Variants in CD40 observed in about 807,000 individuals in gnomAD.
CD40 encodes tumor necrosis factor receptor superfamily member 5.
CD40 carries 19 observed loss-of-function variants against 38.5 expected under a neutral mutation model. The ratio of observed to expected loss-of-function variants is 0.49; its 90% CI spans 0.34 to 0.72. The LOEUF (loss-of-function observed/expected upper bound fraction) is 0.72, where lower values mean the gene tolerates loss of function less well. Ranked by LOEUF, CD40 falls within the 30% of genes least tolerant of loss-of-function variation. The pLI, the probability that CD40 is intolerant of heterozygous loss-of-function variation, is 0.01. For synonymous variants in CD40, 130 were observed against 128.7 expected (o/e 1.01, Z -0.07); for missense variants, 256 against 344.1 (o/e 0.74, Z 2.03).
chr20:46,123,098 T>C, intron 4 of CD40, 28 bp from the exon 5 acceptor site: 4 of 1,552,824 alleles, frequency 2.6e-6, no homozygotes, highest in Non-Finnish European at 3.6e-6. Flanking sequence ...CTGTGATGGT[T>C]AATGTCCCCC....
chr20:46,119,736 GA>G (rs781488381), intron 1 of CD40, among the ~76,000 whole-genome samples: 20 of 152,170 alleles, frequency 1.3e-4, no homozygotes, highest in Non-Finnish European at 1.5e-5. Context: ...TTGAGGCTCA[GA>G]AAGGGGGATT....
In CD40 at chr20:46,129,167, C is replaced by G. The variant is rs775762947; in HGVS notation, c.*127C>G. 1 of 998,890 alleles carries G rather than the reference C, an allele frequency of 1.0e-6. No homozygotes were observed. The highest frequency in any genetic ancestry group is 1.6e-5 in the African/African-American group (1 of 63,044). The allele number at this position is 998,890 out of a possible 1,614,324, so 61.9% of individuals were successfully genotyped here. On this transcript the variant is annotated 3_prime_UTR_variant, in exon 9 of 9. Coordinates refer to ENST00000372285, the MANE Select transcript of CD40 (RefSeq NM_001250.6). ...GACTGGGCATAGCTCCCCGCTTCTG[C>G]CTGCACCCCTGCAGTTTGAGACAGG...
At chr20:46,128,694 A>AC (rs1395652534) in intron 8 of CD40, 188 bp from the exon 9 acceptor site, 1 of 682,720 alleles carries the variant, frequency 1.5e-6, no homozygotes, top group Admixed American at 2.4e-5. Context: ...ACTGGCTCCC[A>AC]CTCTGGAAGC....
Position 46,128,186 on chromosome 20 carries a change from G to A in CD40, c.608G>A (p.Gly203Glu). The A allele has an allele frequency of 6.2e-7, 1 of 1,613,880 alleles. No individual in the cohort carries two copies. Among genetic ancestry groups the A allele is most frequent in the Non-Finnish European group, 8.5e-7 (1 of 1,179,962 alleles). Residue 203 changes from glycine to glutamate, a missense_variant, in exon 7 of 9, where the codon GGG becomes GAG. Transcript: ENST00000372285. Reference protein sequence around the residue: ...RALVVIPIIFGILFAILLVLV... With the variant: ...RALVVIPIIFEILFAILLVLV... ...CTGGTGGTGATCCCCATCATCTTCG[G>A]GATCCTGTTTGCCATCCTCTTGGTG... is the stretch of plus-strand genomic sequence containing the variant.
chr20:46,124,741 C>T (rs1342733013), intron 5 of CD40, among the ~76,000 whole-genome samples: 1 of 137,518 alleles, frequency 7.3e-6, no homozygotes, highest in Admixed American at 7.7e-5. Flanking sequence ...CTGGAGGCAC[C>T]ACTGGTATAG....
In CD40 at chr20:46,122,558, C is replaced by T; in HGVS notation, c.257-52C>T. 1 of 1,612,714 alleles carries T rather than the reference C, an allele frequency of 6.2e-7. No individual in the cohort carries two copies. Among genetic ancestry groups the T allele is most frequent in the Non-Finnish European group, 8.5e-7 (1 of 1,178,862 alleles). On this transcript the variant is annotated intron_variant, in intron 3 of 8. Transcript: ENST00000372285. The surrounding 1 kb of genome is among the most constrained non-coding windows in gnomAD (Gnocchi z 5.0). ...AGCAGGCAATGTGGGGAGTGAGGCTCAGAGCATGGCCCAGCAGGGGGTTCC... is the reference window on the plus strand; with the variant it reads ...AGCAGGCAATGTGGGGAGTGAGGCTTAGAGCATGGCCCAGCAGGGGGTTCC...
At position 46,129,236 on chromosome 20, in the gene CD40, C is replaced by T. The variant is rs1329643427; in HGVS notation, c.*196C>T. ...AGAAACAGTTCACCTTGAAGAACCT[C>T]TCACTTCACCCTGGAGCCCATCCAG... On this transcript the variant is annotated 3_prime_UTR_variant, in exon 9 of 9. Transcript: ENST00000372285. 1 of 638,128 alleles carries T rather than the reference C, an allele frequency of 1.6e-6. No homozygotes were observed. Among genetic ancestry groups the T allele is most frequent in the Non-Finnish European group, 2.8e-6 (1 of 352,904 alleles). The allele number at this position is 638,128 out of a possible 1,614,324, so 39.5% of individuals were successfully genotyped here. A position where few individuals can be genotyped will look rare whatever the true frequency, so the allele number is the denominator to read the frequency against.
Position 46,122,189 on chromosome 20 carries a change from A to G in CD40, c.131-44A>G. On this transcript the variant is annotated intron_variant, in intron 2 of 8. Coordinates refer to ENST00000372285, the MANE Select transcript of CD40 (RefSeq NM_001250.6). The surrounding 1 kb of genome is among the most constrained non-coding windows in gnomAD (Gnocchi z 5.0). ...TCATTGTGTGGTTAGTGTCTGACTC[A>G]TGGAGTTGGCCAGAGCCCTCCCTCA... is the stretch of plus-strand genomic sequence containing the variant. The G allele has an allele frequency of 6.2e-7, 1 of 1,613,092 alleles. No homozygotes were observed. The highest frequency in any genetic ancestry group is 8.5e-7 in the Non-Finnish European group (1 of 1,179,032).
intron 5 of CD40, among the ~76,000 whole-genome samples, chr20:46,124,957 C>T (rs967529592): frequency 6.6e-5 from 10 of 151,278 alleles, no homozygotes; most frequent in Non-Finnish European, 1.3e-4. Context: ...TTAGTAGAGA[C>T]GGCGTTTCAC....
In CD40 at chr20:46,118,392, G is replaced by A. The variant is rs770177808; in HGVS notation, c.49G>A (p.Ala17Thr). Residue 17 changes from alanine to threonine, a missense_variant and splice_region_variant, in exon 1 of 9, where the codon GCT becomes ACT. Transcript: ENST00000372285. Reference protein sequence around the residue: ...QCVLWGCLLTAVHPEPPTACR... With the variant: ...QCVLWGCLLTTVHPEPPTACR... ...CGTCCTCTGGGGCTGCTTGCTGACC[G>A]CTGTGAGTTGTTTTTGCCCCGACCA... 2 of 1,614,010 alleles carry A rather than the reference G, an allele frequency of 1.2e-6. No individual in the cohort carries two copies. The highest frequency in any genetic ancestry group is 1.1e-5 in the South Asian group (1 of 91,084).
chr20:46,119,011 C>CA (rs2085266733), intron 1 of CD40, among the ~76,000 whole-genome samples: 3 of 222 alleles, frequency 0.014, no homozygotes, highest in Non-Finnish European at 0.032. Flanking sequence ...TAGGAGACCC[C>CA]TGGGGAGATG....
intron 5 of CD40, 56 bp from the exon 6 acceptor site, chr20:46,126,584 C>T (rs1010948174): frequency 8.3e-5 from 133 of 1,610,316 alleles, no homozygotes; most frequent in East Asian, 1.6e-4. Context: ...CTTGGGGAAA[C>T]TTAATATCTC....
chr20:46,126,610 G>T, intron 5 of CD40, 30 bp from the exon 6 acceptor site: 3 of 1,613,866 alleles, frequency 1.9e-6, no homozygotes, highest in Non-Finnish European at 1.7e-6. Context: ...TTCTCTGTGT[G>T]TGTGCATTTG....
intron 1 of CD40, among the ~76,000 whole-genome samples, chr20:46,118,771 A>G (rs1485343153): frequency 3.3e-5 from 5 of 152,018 alleles, no homozygotes. Flanking sequence ...TCCCCTTCTT[A>G]TTGTGGACAG....
rs938243773 is a variant in CD40 at position 46,129,610 on chromosome 20, T to C, written c.*570T>C. On this transcript the variant is annotated 3_prime_UTR_variant, in exon 9 of 9. Transcript: ENST00000372285. The stretch of plus-strand genomic sequence containing the variant: ...TTAAAAAAGTACATGCTTTTATGTA[T>C]GTATATTGCCTATGGATATATGTAT... 1 of 169,750 alleles carries C rather than the reference T, an allele frequency of 5.9e-6. No individual in the cohort carries two copies. Among genetic ancestry groups the C allele is most frequent in the African/African-American group, 2.4e-5 (1 of 41,828 alleles). The allele number at this position is 169,750 out of a possible 1,614,324, so 10.5% of individuals were successfully genotyped here.
rs756171667 is a variant in CD40, at chr20:46,122,678, T to C, written c.325T>C (p.Trp109Arg). The part of the protein sequence containing the change: ...TDTICTCEEG[W>R]HCTSEACESC... Reference sequence around the variant, plus strand: ...CACCATCTGCACCTGTGAAGAAGGCTGGCACTGTACGAGTGAGGCCTGTGA... The same window carrying C: ...CACCATCTGCACCTGTGAAGAAGGCCGGCACTGTACGAGTGAGGCCTGTGA... Residue 109 changes from tryptophan (W) to arginine (R), a missense_variant, in exon 4 of 9, where the codon TGG becomes CGG. Trp to Arg is a moderately radical substitution (Grantham distance 101, BLOSUM62 -3). Coordinates refer to ENST00000372285, the MANE Select transcript of CD40 (RefSeq NM_001250.6). This position sits in a 1 kb window ranked among gnomAD's most constrained non-coding sequence, Gnocchi z 5.0. 2 of 1,614,170 alleles carry C rather than the reference T, an allele frequency of 1.2e-6. No homozygotes were observed. Among genetic ancestry groups the C allele is most frequent in the Non-Finnish European group, 8.5e-7 (1 of 1,180,028 alleles).
intron 5 of CD40, among the ~76,000 whole-genome samples, chr20:46,126,107 A>G (rs1282103508): frequency 6.6e-6 from 1 of 152,216 alleles, no homozygotes; most frequent in Non-Finnish European, 1.5e-5. Context: ...ATGTCTGGAC[A>G]CATTTCATTC....
intron 1 of CD40, 143 bp from the exon 2 acceptor site, chr20:46,121,677 G>A (rs148920124): frequency 1.1e-5 from 8 of 758,286 alleles, no homozygotes; most frequent in Non-Finnish European, 2.0e-5. Context: ...AAACAAACAT[G>A]CCAAATATCA....
Position 46,122,404 on chromosome 20 carries a change from T to G in CD40, c.256+46T>G. 1 of 1,613,326 alleles carries G rather than the reference T, an allele frequency of 6.2e-7. No homozygotes were observed. The highest frequency in any genetic ancestry group is 8.5e-7 in the Non-Finnish European group (1 of 1,179,686). The stretch of plus-strand genomic sequence containing the variant: ...GGGACGCTTGGGAACCGGGCTGATA[T>G]TCCCGACAATGCAGCCATTCTAATT... On this transcript the variant is annotated intron_variant, in intron 3 of 8. Coordinates refer to ENST00000372285, the MANE Select transcript of CD40 (RefSeq NM_001250.6). The surrounding 1 kb of genome is among the most constrained non-coding windows in gnomAD (Gnocchi z 5.0).
Sources: allele counts gnomAD v4.1 joint callset (sites outside exome capture counted in the v4.1 genomes callset), GRCh38; gene constraint gnomAD v4.1.1; non-coding constraint Gnocchi (gnomAD v3.1); transcripts MANE v1.5; gene names NCBI Gene and HGNC (gene_info 2026-07-23, HGNC 2026-07-21).